The following MACROD2 variants were observed in gnomAD, a reference collection of about 807,000 sequenced individuals.
MACROD2 encodes the protein ADP-ribose glycohydrolase MACROD2.
A neutral mutation model predicts 70.4 loss-of-function variants in MACROD2; 36 were observed. The ratio of observed to expected loss-of-function variants is 0.51; its 90% confidence interval spans 0.39 to 0.68. MACROD2 has a LOEUF of 0.68. MACROD2 is among the 30% of genes least tolerant of loss of function. The probability of loss-of-function intolerance (pLI) is 0.00; values close to 1 mark genes in which losing one functional copy is unlikely to be tolerated. For synonymous variants in MACROD2, 172 were observed against 178.8 expected, an observed-to-expected ratio of 0.96 and a Z score of 0.30; for missense variants, 496 against 538.4, an observed-to-expected ratio of 0.92 and a Z score of 0.78.
chr20:15,080,069 T>C (rs1325207119), intron 5 of MACROD2, among the ~76,000 whole-genome samples: 2 of 151,684 alleles, frequency 1.3e-5, no homozygotes, highest in African/African-American at 2.4e-5. Flanking sequence ...CCATATTTTT[T>C]CTTTTCTCTT....
chr20:15,655,430 G>A (rs539878057), intron 8 of MACROD2, among the ~76,000 whole-genome samples: 2 of 151,678 alleles, frequency 1.3e-5, no homozygotes, highest in South Asian at 4.2e-4. Flanking sequence ...ATAGAGCCAA[G>A]CTCTGTTTGA....
At chr20:15,523,865 T>C (rs1210658367) in intron 8 of MACROD2, among the ~76,000 whole-genome samples, 1 of 152,188 alleles carries the variant, frequency 6.6e-6, no homozygotes, top group Non-Finnish European at 1.5e-5. Context: ...GTAGCTATCA[T>C]GTTCTCTATC....
At chr20:15,188,840 G>C (rs1488736852) in intron 5 of MACROD2, among the ~76,000 whole-genome samples, 2 of 152,072 alleles carry the variant, frequency 1.3e-5, no homozygotes, top group African/African-American at 2.4e-5. Flanking sequence ...ACTTACTCTT[G>C]CTCTTTTTTT....
At chr20:15,098,019 C>T (rs757320771) in intron 5 of MACROD2, among the ~76,000 whole-genome samples, 1 of 152,084 alleles carries the variant, frequency 6.6e-6, no homozygotes, top group African/African-American at 2.4e-5. Context: ...ATTTCAAGGC[C>T]TCAACACACT....
chr20:15,770,165 G>A (rs939138360), intron 8 of MACROD2, among the ~76,000 whole-genome samples: 2 of 142,330 alleles, frequency 1.4e-5, no homozygotes, highest in African/African-American at 5.4e-5. Flanking sequence ...CATGATCATA[G>A]CTCACAGCAG....
chr20:14,556,026 G>A lies in MACROD2; in HGVS notation c.301+62518G>A, dbSNP rs150609300. Among the ~76,000 whole-genome samples the A allele has an allele frequency of 1.1e-3, 172 of 152,052 alleles. 2 individuals carry two copies. The highest frequency in any genetic ancestry group is 4.0e-3 in the African/African-American group (165 of 41,474). ...CTTAACCATATAATTATTTTCAAAT[G>A]TTTACAATTACTTTTAGATAAATAT... On this transcript the variant is annotated intron_variant, in intron 4 of 17. Transcript: ENST00000684519.
chr20:15,998,602 T>TC (rs1568696885), intron 15 of MACROD2, among the ~76,000 whole-genome samples: 1 of 145,898 alleles, frequency 6.9e-6, no homozygotes, highest in Non-Finnish European at 1.5e-5. Flanking sequence ...TCTTGCTCTG[T>TC]CCCCCAGGCT....
intron 6 of MACROD2, among the ~76,000 whole-genome samples, chr20:15,276,395 C>A (rs390490): frequency 3.4e-5 from 5 of 145,196 alleles, no homozygotes; most frequent in Non-Finnish European, 6.0e-5. Context: ...GAGAGACTCC[C>A]TCTCAAAAAA....
intron 3 of MACROD2, among the ~76,000 whole-genome samples, chr20:14,252,739 T>C (rs2082023047): frequency 6.6e-6 from 1 of 152,040 alleles, no homozygotes; most frequent in African/African-American, 2.4e-5. Flanking sequence ...TGATAACAAA[T>C]TTCCTCTCAC....
At chr20:15,709,397 A>G (rs2146912498) in intron 8 of MACROD2, among the ~76,000 whole-genome samples, 1 of 152,318 alleles carries the variant, frequency 6.6e-6, no homozygotes, top group East Asian at 1.9e-4. Context: ...GTGGTGGCTC[A>G]TGTCTGTAAT....
intron 11 of MACROD2, among the ~76,000 whole-genome samples, chr20:15,936,935 G>A (rs982198988): frequency 2.6e-5 from 4 of 152,046 alleles, no homozygotes; most frequent in Non-Finnish European, 2.9e-5. Flanking sequence ...CTGTTCTTGG[G>A]TGACATGAAA....
intron 5 of MACROD2, among the ~76,000 whole-genome samples, chr20:15,015,956 G>T (rs138790356): frequency 5.3e-5 from 8 of 152,156 alleles, no homozygotes; most frequent in Non-Finnish European, 1.0e-4. Flanking sequence ...TTTAGAAAAC[G>T]GAAGCTTCTT....
chr20:16,041,187 T>A lies in MACROD2; in HGVS notation c.1154-14T>A. ...TCTCTATTCATCAGGGACTGTGGTC[T>A]TTTTCTCTTCCAGCTCCAGGCGAGG... is the stretch of plus-strand genomic sequence containing the variant. On this transcript the variant is annotated splice_polypyrimidine_tract_variant and intron_variant, in intron 15 of 17. Coordinates refer to ENST00000684519, the MANE Select transcript of MACROD2 (RefSeq NM_001351661.2). 6.2e-7 allele frequency: 1 copy of A among 1,609,510 alleles called. No homozygotes were observed. Among genetic ancestry groups the A allele is most frequent in the South Asian group, 1.1e-5 (1 of 90,592 alleles).
At chr20:15,969,528 G>A (rs970279350) in intron 13 of MACROD2, among the ~76,000 whole-genome samples, 1 of 152,130 alleles carries the variant, frequency 6.6e-6, no homozygotes, top group South Asian at 2.1e-4. Context: ...AGAAGTAAAT[G>A]ATGCTATAAC....
intron 3 of MACROD2, among the ~76,000 whole-genome samples, chr20:14,274,641 G>A (rs528945885): frequency 6.6e-6 from 1 of 152,170 alleles, no homozygotes; most frequent in East Asian, 1.9e-4. Context: ...TGGAAGTTCT[G>A]GTCAGGGCAA....
intron 8 of MACROD2, among the ~76,000 whole-genome samples, chr20:15,763,886 T>C (rs551786242): frequency 4.4e-4 from 67 of 152,382 alleles, no homozygotes; most frequent in Non-Finnish European, 7.6e-4. Context: ...ATACATGTTA[T>C]GATAGTTGGA....
intron 5 of MACROD2, among the ~76,000 whole-genome samples, chr20:15,100,921 A>G (rs1190927619): frequency 2.0e-5 from 3 of 152,170 alleles, no homozygotes; most frequent in Non-Finnish European, 4.4e-5. Context: ...GCAGAAAATG[A>G]GTGAAGAAAA....
chr20:14,843,541 G>T (rs999797835), intron 5 of MACROD2, among the ~76,000 whole-genome samples: 3 of 152,008 alleles, frequency 2.0e-5, no homozygotes, highest in African/African-American at 7.2e-5. Flanking sequence ...CTGTCCTGTT[G>T]ATGGACTGAA....
intron 6 of MACROD2, among the ~76,000 whole-genome samples, chr20:15,414,883 C>T (rs1325319021): frequency 6.6e-6 from 1 of 152,108 alleles, no homozygotes; most frequent in Non-Finnish European, 1.5e-5. Flanking sequence ...TTCAGCCTGC[C>T]CCAGAGAAAC....
Sources: allele counts gnomAD v4.1 joint callset (sites outside exome capture counted in the v4.1 genomes callset), GRCh38; gene constraint gnomAD v4.1.1; transcripts MANE v1.5; gene names NCBI Gene and HGNC (gene_info 2026-07-23, HGNC 2026-07-21).